The following CARF variants were observed in gnomAD, a reference collection of about 807,000 sequenced individuals.
CARF encodes calcium-responsive transcription factor.
A neutral mutation model predicts 82.0 loss-of-function variants in CARF; 57 were observed. That is an observed-to-expected ratio of 0.70 (90% CI 0.56 to 0.87). The LOEUF is 0.87. Among genes scored for constraint, CARF ranks in the 40% least tolerant of loss-of-function variants. The pLI, the probability that CARF is intolerant of heterozygous loss-of-function variation, is 0.00. For missense variants in CARF, 771 were observed against 855.8 expected (o/e 0.90, Z 1.24); for synonymous variants, 268 against 290.1 (o/e 0.92, Z 0.77).
intron 3 of CARF, among the ~76,000 whole-genome samples, chr2:202,928,570 A>G (rs565479915): frequency 1.3e-5 from 2 of 152,254 alleles, no homozygotes; most frequent in African/African-American, 4.8e-5. Flanking sequence ...TAATGGCTGT[A>G]CTAATTTACA....
At chr2:202,966,565 C>T (rs2059558436) in intron 9 of CARF, among the ~76,000 whole-genome samples, 1 of 152,074 alleles carries the variant, frequency 6.6e-6, no homozygotes, top group South Asian at 2.1e-4. Context: ...CAAAAATTAG[C>T]CTGGCGTGGT....
rs1690050283 is a variant in CARF at position 202,918,037 on chromosome 2, T to C, written c.-169T>C. 1 of 451,092 alleles carries C rather than the reference T, an allele frequency of 2.2e-6. No homozygotes were observed. Among genetic ancestry groups the C allele is most frequent in the Non-Finnish European group, 4.4e-6 (1 of 225,032 alleles). The allele number at this position is 451,092 out of a possible 1,614,324, so 27.9% of individuals were successfully genotyped here. On this transcript the variant is annotated 5_prime_UTR_variant, in exon 2 of 17. Coordinates refer to ENST00000438828, the MANE Select transcript of CARF (RefSeq NM_024744.17). ...CCTGGAATTTAAACCTGAGCCACTA[T>C]CTGAAGGTAATTTTTTTTAACTAAT...
chr2:202,972,447 G>A (rs2059828043), intron 12 of CARF, among the ~76,000 whole-genome samples: 1 of 151,874 alleles, frequency 6.6e-6, no homozygotes, highest in Admixed American at 6.6e-5. Flanking sequence ...GGGAGTCCGA[G>A]GAGGGCAGAT....
At chr2:202,928,486 A>G (rs2105744646) in intron 3 of CARF, among the ~76,000 whole-genome samples, 1 of 152,158 alleles carries the variant, frequency 6.6e-6, no homozygotes, top group South Asian at 2.1e-4. Flanking sequence ...TTGGATATTT[A>G]CCCATTAGTG....
intron 10 of CARF, among the ~76,000 whole-genome samples, chr2:202,968,516 A>T (rs558870973): frequency 6.6e-6 from 1 of 152,190 alleles, no homozygotes; most frequent in South Asian, 2.1e-4. Context: ...TTTAAACCTG[A>T]CTGTGAAACA....
rs1559298994 is a variant in CARF, at chr2:202,986,883, T to TACATATAC, written c.*3260_*3261insCATATACA. The TACATATAC allele has an allele frequency of 8.5e-6, 1 of 118,016 alleles. No homozygotes were observed. The highest frequency in any genetic ancestry group is 1.9e-5 in the Non-Finnish European group (1 of 52,664). 7.3% of individuals were successfully genotyped at this position (118,016 alleles called of 1,614,324 possible). On this transcript the variant is annotated 3_prime_UTR_variant, in exon 17 of 17. Coordinates refer to ENST00000438828, the MANE Select transcript of CARF (RefSeq NM_024744.17). ...ATGTCTGTGCGTATATATATATATA[T>TACATATAC]ATATATATATATATATATATATATA...
chr2:202,986,829 T>C lies in CARF; in HGVS notation c.*3205T>C, dbSNP rs1342489985. ...TATGAGAAAGATGTTGTTTAACTTGTACCAGGTTTAAAAAAAGAGGTTTAA... is the reference window on the plus strand; with the variant it reads ...TATGAGAAAGATGTTGTTTAACTTGCACCAGGTTTAAAAAAAGAGGTTTAA... On this transcript the variant is annotated 3_prime_UTR_variant, in exon 17 of 17. Coordinates refer to ENST00000438828, the MANE Select transcript of CARF (RefSeq NM_024744.17). The C allele has an allele frequency of 8.4e-5, 12 of 143,444 alleles. No homozygotes were observed. The Admixed American group carries it at 8.5e-4, about 10-fold the overall frequency. 8.9% of individuals were successfully genotyped at this position (143,444 alleles called of 1,614,324 possible). A position where few individuals can be genotyped will look rare whatever the true frequency, so the allele number is the denominator to read the frequency against.
intron 3 of CARF, among the ~76,000 whole-genome samples, chr2:202,936,204 G>A (rs755779757): frequency 1.9e-4 from 29 of 151,976 alleles, no homozygotes; most frequent in African/African-American, 7.0e-4. Context: ...TCTAGTCCAC[G>A]TTCATATTTT....
intron 3 of CARF, among the ~76,000 whole-genome samples, chr2:202,939,866 T>G (rs1287000618): frequency 2.6e-5 from 4 of 151,862 alleles, no homozygotes; most frequent in African/African-American, 9.7e-5. Context: ...TTGTTAAATT[T>G]TTTTGTAGAG....
At chr2:202,974,988 A>G (rs1385275822) in intron 13 of CARF, among the ~76,000 whole-genome samples, 1 of 152,080 alleles carries the variant, frequency 6.6e-6, no homozygotes, top group Non-Finnish European at 1.5e-5. Flanking sequence ...CTTTCACAAG[A>G]AGAAAAATCA....
chr2:202,915,319 G>A (rs1229213446), intron 1 of CARF, among the ~76,000 whole-genome samples: 3 of 150,924 alleles, frequency 2.0e-5, no homozygotes, highest in Admixed American at 6.6e-5. Context: ...TGGTTGAGGT[G>A]GAGTCTTGCT....
At chr2:202,929,382 A>C (rs769062740) in intron 3 of CARF, among the ~76,000 whole-genome samples, 29 of 152,158 alleles carry the variant, frequency 1.9e-4, no homozygotes, top group Non-Finnish European at 4.0e-4. Context: ...CTAGGGGTCT[A>C]CTTTCATTTT....
At chr2:202,971,116 C>T (rs2059774632) in intron 11 of CARF, among the ~76,000 whole-genome samples, 1 of 152,066 alleles carries the variant, frequency 6.6e-6, no homozygotes, top group Admixed American at 6.5e-5. Context: ...TGATGATTTA[C>T]AATGTCTTCT....
At chr2:202,962,232 C>G (rs1007564726) in intron 9 of CARF, 1 of 152,118 alleles carries the variant, frequency 6.6e-6, no homozygotes, top group Non-Finnish European at 1.5e-5. Flanking sequence ...AGGCTCATGC[C>G]TCTAATCTCA....
At chr2:202,965,491 C>A (rs1024430615) in intron 9 of CARF, among the ~76,000 whole-genome samples, 1 of 151,720 alleles carries the variant, frequency 6.6e-6, no homozygotes, top group Non-Finnish European at 1.5e-5. Context: ...CATTTACTAC[C>A]TTTTTTTTCT....
chr2:202,938,777 C>T (rs756106360), intron 3 of CARF, among the ~76,000 whole-genome samples: 6 of 151,090 alleles, frequency 4.0e-5, no homozygotes, highest in Non-Finnish European at 5.9e-5. Context: ...GATGGGGTTT[C>T]GCCATGTTGG....
chr2:202,917,457 A>G (rs1365285213), intron 1 of CARF, among the ~76,000 whole-genome samples: 2 of 152,068 alleles, frequency 1.3e-5, no homozygotes, highest in African/African-American at 4.8e-5. Context: ...ACGCTTGCTT[A>G]AGAAATAAGC....
At chr2:202,954,383 G>C (rs2058927269) in intron 7 of CARF, among the ~76,000 whole-genome samples, 1 of 152,118 alleles carries the variant, frequency 6.6e-6, no homozygotes, top group Admixed American at 6.6e-5. Context: ...AATTTTATTA[G>C]TTTATTTAGT....
Position 202,982,283 on chromosome 2 carries a change from A to G in CARF, c.1901A>G (p.Asn634Ser). Residue 634 changes from asparagine to serine, a missense_variant, in exon 16 of 17, where the codon AAC becomes AGC. Coordinates refer to ENST00000438828, the MANE Select transcript of CARF (RefSeq NM_024744.17). ...QNNSTASTMG[N>S]LPEPDQNLVA... The stretch of plus-strand genomic sequence containing the variant: ...AATAGTACTGCCTCCACCATGGGTA[A>G]CCTTCCAGAACCAGATCAAAATCTA... 1 of 1,614,162 alleles carries G rather than the reference A, an allele frequency of 6.2e-7. No homozygotes were observed.
Sources: gnomAD v4.1 joint callset for allele counts (sites outside exome capture counted in the v4.1 genomes callset) on GRCh38, gnomAD v4.1.1 for gene constraint, MANE v1.5 for transcripts, NCBI Gene and HGNC (gene_info 2026-07-23, HGNC 2026-07-21) for gene names.